Variants in NEURL1 observed in about 807,000 individuals in gnomAD.
NEURL1 encodes the protein neuralized E3 ubiquitin protein ligase 1.
NEURL1 carries 26 observed loss-of-function variants against 41.2 expected under a neutral mutation model. The observed-to-expected ratio is 0.63, with a 90% confidence interval of 0.46 to 0.87. NEURL1 has a LOEUF of 0.87. NEURL1 is among the 40% of genes least tolerant of loss of function. The probability of loss-of-function intolerance (pLI) is 0.00; values close to 1 mark genes in which losing one functional copy is unlikely to be tolerated. For synonymous variants in NEURL1, 400 were observed against 402.3 expected (o/e 0.99, Z 0.07); for missense variants, 761 against 871.1 (o/e 0.87, Z 1.59).
chr10:103,588,702 TTTG>T, intron 4 of NEURL1: 1 of 430,018 alleles, frequency 2.3e-6, no homozygotes, highest in Non-Finnish European at 4.7e-6. Context: ...ATCCCAGCAC[TTTG>T]GGAGCCGAGG....
chr10:103,511,168 A>G (rs1398408211), intron 1 of NEURL1, among the ~76,000 whole-genome samples: 1 of 152,212 alleles, frequency 6.6e-6, no homozygotes, highest in Non-Finnish European at 1.5e-5. Context: ...CTGAAAGGAC[A>G]TCTTTGGGAT....
chr10:103,504,343 CTT>C (rs2033898904), intron 1 of NEURL1, among the ~76,000 whole-genome samples: 1 of 152,290 alleles, frequency 6.6e-6, no homozygotes, highest in South Asian at 2.1e-4. Flanking sequence ...ATTTCTCACA[CTT>C]TCCTTGCTTT....
intron 1 of NEURL1, among the ~76,000 whole-genome samples, chr10:103,542,859 A>G (rs1428384489): frequency 6.6e-6 from 1 of 152,154 alleles, no homozygotes; most frequent in Non-Finnish European, 1.5e-5. Flanking sequence ...CTGGCTGCTT[A>G]TCATTCTTAT....
At chr10:103,495,808 T>C (rs1196630623) in intron 1 of NEURL1, among the ~76,000 whole-genome samples, 1 of 152,208 alleles carries the variant, frequency 6.6e-6, no homozygotes, top group Non-Finnish European at 1.5e-5. Context: ...CAAGATACTT[T>C]AAAAATATCA....
At chr10:103,590,085 C>T (rs376615386) in intron 5 of NEURL1, 49 bp from the exon 6 acceptor site, 10 of 1,564,386 alleles carry the variant, frequency 6.4e-6, no homozygotes, top group East Asian at 4.5e-5. Context: ...GTGAATCCAG[C>T]GCCGGGTTGG....
intron 1 of NEURL1, among the ~76,000 whole-genome samples, chr10:103,515,574 G>T (rs1354862754): frequency 6.6e-6 from 1 of 152,204 alleles, no homozygotes; most frequent in Non-Finnish European, 1.5e-5. Flanking sequence ...GTTTATAAAG[G>T]TATAGTAAAC....
intron 1 of NEURL1, among the ~76,000 whole-genome samples, chr10:103,563,160 C>A (rs961056702): frequency 6.6e-6 from 1 of 152,152 alleles, no homozygotes; most frequent in African/African-American, 2.4e-5. Flanking sequence ...CTGAAATGAG[C>A]CGATCATTTC....
chr10:103,546,937 CCT>C (rs763416028), intron 1 of NEURL1, among the ~76,000 whole-genome samples: 3 of 152,206 alleles, frequency 2.0e-5, no homozygotes, highest in Non-Finnish European at 4.4e-5. Flanking sequence ...CCATTTCCCA[CCT>C]CTGTGTCCTG....
chr10:103,555,365 T>A (rs1409187024), intron 1 of NEURL1: 1 of 1,354,834 alleles, frequency 7.4e-7, no homozygotes, highest in Admixed American at 1.9e-5. Flanking sequence ...GTGGCTGCAC[T>A]GCCCGTCGCC....
At chr10:103,571,409 G>A in intron 2 of NEURL1, 92 bp from the exon 3 acceptor site, 1 of 1,318,868 alleles carries the variant, frequency 7.6e-7, no homozygotes, top group Non-Finnish European at 1.0e-6. Context: ...GGCTGCTGTG[G>A]GATGCTCCAG....
chr10:103,518,301 A>G (rs1292830922), intron 1 of NEURL1, among the ~76,000 whole-genome samples: 1 of 152,066 alleles, frequency 6.6e-6, no homozygotes, highest in Non-Finnish European at 1.5e-5. Flanking sequence ...GCCTGTTTGC[A>G]TTTAGAGTGC....
chr10:103,551,297 A>ATTTTTTTT (rs528332099), intron 1 of NEURL1, among the ~76,000 whole-genome samples: 1 of 118,720 alleles, frequency 8.4e-6, no homozygotes, highest in African/African-American at 3.6e-5. Flanking sequence ...GGTCAAATGA[A>ATTTTTTTT]TTTTTTTTTT....
At chr10:103,544,459 T>G (rs2034887187) in intron 1 of NEURL1, among the ~76,000 whole-genome samples, 1 of 152,030 alleles carries the variant, frequency 6.6e-6, no homozygotes, top group African/African-American at 2.4e-5. Flanking sequence ...CCCCAAATGA[T>G]CCCCATCCCA....
chr10:103,551,687 C>T (rs1483585240), intron 1 of NEURL1, among the ~76,000 whole-genome samples: 3 of 152,212 alleles, frequency 2.0e-5, no homozygotes, highest in African/African-American at 7.2e-5. Flanking sequence ...GCTGCCTCTC[C>T]CTCTAGAGGT....
Position 103,583,705 on chromosome 10 carries a change from C to CAAAAA in NEURL1, c.650-808_650-804dup, listed in dbSNP as rs1228630032. ...TGGGCCACAGAGCAAGATCCTGTCT[C>CAAAAA]AAAAAAAAAAAAAAAAAAAAAAAAA... On this transcript the variant is annotated intron_variant, in intron 3 of 5. Transcript: ENST00000369780. Among the ~76,000 whole-genome samples, 6 of 19,558 alleles carry CAAAAA rather than the reference C, an allele frequency of 3.1e-4. 1 individual carries two copies. The highest frequency in any genetic ancestry group is 1.1e-3 in the African/African-American group (6 of 5,386). The allele number at this position is 19,558 out of a possible 152,430, so 12.8% of individuals were successfully genotyped here.
intron 1 of NEURL1, among the ~76,000 whole-genome samples, chr10:103,525,021 G>T (rs1228659296): frequency 1.3e-5 from 2 of 152,032 alleles, no homozygotes; most frequent in African/African-American, 2.4e-5. Context: ...AGATTGCTTT[G>T]GGTGGTATGG....
intron 1 of NEURL1, among the ~76,000 whole-genome samples, chr10:103,530,766 C>T (rs938799410): frequency 2.6e-5 from 4 of 151,706 alleles, no homozygotes; most frequent in Non-Finnish European, 5.9e-5. Flanking sequence ...GTCTGTAACT[C>T]CCGACCTCAG....
intron 1 of NEURL1, among the ~76,000 whole-genome samples, chr10:103,559,258 G>T (rs1258694102): frequency 1.3e-5 from 2 of 152,192 alleles, no homozygotes; most frequent in South Asian, 2.1e-4. Context: ...GAGCTCCGGA[G>T]CTTGAAGGTG....
chr10:103,553,499 G>A (rs1267167872), intron 1 of NEURL1, among the ~76,000 whole-genome samples: 8 of 151,678 alleles, frequency 5.3e-5, no homozygotes, highest in East Asian at 1.9e-4. Flanking sequence ...GGCTTCTCCC[G>A]GAAGTCGTGG....
Sources: gnomAD v4.1 joint callset for allele counts (sites outside exome capture counted in the v4.1 genomes callset) on GRCh38, gnomAD v4.1.1 for gene constraint, MANE v1.5 for transcripts, NCBI Gene and HGNC (gene_info 2026-07-23, HGNC 2026-07-21) for gene names.